Variants in MARCHF10 observed in about 807,000 individuals in gnomAD.
The protein encoded by MARCHF10 is membrane associated ring-CH-type finger 10, also known as probable E3 ubiquitin-protein ligase MARCHF10.
A neutral mutation model predicts 76.2 loss-of-function variants in MARCHF10; 64 were observed. The observed-to-expected ratio is 0.84, with a 90% CI of 0.69 to 1.03. MARCHF10 has a LOEUF of 1.03. Ranked by LOEUF, MARCHF10 falls within the 50% of genes least tolerant of loss-of-function variation. MARCHF10 has a pLI of 0.00. For missense variants in MARCHF10, 875 were observed against 958.0 expected (o/e 0.91, Z 1.14); for synonymous variants, 340 against 357.5 (o/e 0.95, Z 0.55).
Position 62,711,510 on chromosome 17 carries a change from C to G in MARCHF10, c.2215-166G>C, listed in dbSNP as rs1029703367. ...CCAGAAGACAGAGCAGGAGGAGATC[C>G]AGGGTAGAGGCCAGGGCAGCCACTC... On this transcript the variant is annotated intron_variant, in intron 8 of 10. Coordinates refer to ENST00000311269, the MANE Select transcript of MARCHF10 (RefSeq NM_152598.4). The surrounding 1 kb of genome is among the most constrained non-coding windows in gnomAD (Gnocchi z 4.4). 6.6e-6 allele frequency among the ~76,000 whole-genome samples: 1 copy of G among 152,180 alleles called. No homozygotes were observed. The highest frequency in any genetic ancestry group is 1.5e-5 in the Non-Finnish European group (1 of 68,028).
At chr17:62,794,160 C>T (rs545038483) in intron 2 of MARCHF10, among the ~76,000 whole-genome samples, 19 of 151,504 alleles carry the variant, frequency 1.3e-4, no homozygotes, top group Non-Finnish European at 2.1e-4. Flanking sequence ...ACCACCACCT[C>T]CATCACCACC....
At chr17:62,775,791 T>TA (rs1171368835) in intron 3 of MARCHF10, among the ~76,000 whole-genome samples, 1 of 151,238 alleles carries the variant, frequency 6.6e-6, no homozygotes, top group Non-Finnish European at 1.5e-5. Flanking sequence ...AAAATTTTGA[T>TA]ATCTGAATTT....
intron 9 of MARCHF10, among the ~76,000 whole-genome samples, chr17:62,709,930 A>G (rs1479975538): frequency 6.6e-6 from 1 of 152,114 alleles, no homozygotes; most frequent in South Asian, 2.1e-4. Flanking sequence ...GGTGAGATCA[A>G]TTTCAGGGTT....
intron 3 of MARCHF10, among the ~76,000 whole-genome samples, chr17:62,769,710 A>G (rs1364136647): frequency 1.3e-5 from 2 of 152,134 alleles, no homozygotes; most frequent in Non-Finnish European, 2.9e-5. Context: ...CACCACGCCC[A>G]GCCTAATTCC....
chr17:62,792,589 C>A (rs578138738), intron 2 of MARCHF10, among the ~76,000 whole-genome samples: 12 of 148,016 alleles, frequency 8.1e-5, no homozygotes, highest in African/African-American at 3.0e-4. Flanking sequence ...ACCATCACCA[C>A]CCACCACCAC....
intron 5 of MARCHF10, among the ~76,000 whole-genome samples, chr17:62,739,644 G>A (rs2091430774): frequency 6.6e-6 from 1 of 152,128 alleles, no homozygotes; most frequent in African/African-American, 2.4e-5. Flanking sequence ...GCCTCCCAAA[G>A]TGCTGGGATT....
intron 3 of MARCHF10, among the ~76,000 whole-genome samples, chr17:62,772,761 T>C (rs2092471800): frequency 6.6e-6 from 1 of 152,242 alleles, no homozygotes; most frequent in African/African-American, 2.4e-5. Flanking sequence ...ATATTTTTCA[T>C]CTACGAATGC....
chr17:62,731,955 A>G (rs372486100), intron 6 of MARCHF10, among the ~76,000 whole-genome samples: 17 of 152,226 alleles, frequency 1.1e-4, no homozygotes, highest in African/African-American at 3.9e-4. Flanking sequence ...GTATTTTGGC[A>G]AAAATACAGA....
At chr17:62,802,826 C>T (rs866441732) in intron 1 of MARCHF10, among the ~76,000 whole-genome samples, 3 of 152,126 alleles carry the variant, frequency 2.0e-5, no homozygotes, top group Non-Finnish European at 2.9e-5. Flanking sequence ...GGAACAGCCC[C>T]GGAAGGGCTG....
At chr17:62,774,664 T>G (rs1207433792) in intron 3 of MARCHF10, among the ~76,000 whole-genome samples, 1 of 151,954 alleles carries the variant, frequency 6.6e-6, no homozygotes, top group African/African-American at 2.4e-5. Flanking sequence ...TGACTCAGAG[T>G]CTTCCTTCCT....
chr17:62,766,149 T>C (rs1314713427), intron 3 of MARCHF10, among the ~76,000 whole-genome samples: 1 of 151,946 alleles, frequency 6.6e-6, no homozygotes, highest in African/African-American at 2.4e-5. Flanking sequence ...TGAGCTGTGA[T>C]TGTGCCACTG....
chr17:62,736,022 C>G lies in MARCHF10; in HGVS notation c.1846G>C (p.Gly616Arg). 6.2e-7 allele frequency: 1 copy of G among 1,614,150 alleles called. No homozygotes were observed. Among genetic ancestry groups the G allele is most frequent in the Non-Finnish European group, 8.5e-7 (1 of 1,180,034 alleles). ...VSHFPNQNDN[G>R]SRMAASGFTD... ...AAACCAGAGGCTGCCATCCTGCTCCCATTATCATTTTGATTTGGGAAATGA... is the reference window on the plus strand; with the variant it reads ...AAACCAGAGGCTGCCATCCTGCTCCGATTATCATTTTGATTTGGGAAATGA... Residue 616 changes from glycine (G) to arginine (R), a missense_variant, in exon 6 of 11, where the codon GGG becomes CGG. Gly to Arg is a moderately radical substitution (Grantham distance 125, BLOSUM62 -2). Transcript: ENST00000311269.
chr17:62,787,526 C>G, intron 3 of MARCHF10, among the ~76,000 whole-genome samples: 1 of 152,176 alleles, frequency 6.6e-6, no homozygotes, highest in East Asian at 1.9e-4. Context: ...GTGTTGAATA[C>G]AGCTTGTGGT....
At chr17:62,751,262 T>G (rs2091889503) in intron 4 of MARCHF10, among the ~76,000 whole-genome samples, 1 of 152,208 alleles carries the variant, frequency 6.6e-6, no homozygotes, top group Admixed American at 6.5e-5. Context: ...TCACCTTGAA[T>G]CGACGGCTTA....
intron 1 of MARCHF10, among the ~76,000 whole-genome samples, chr17:62,803,696 A>T (rs1211231924): frequency 6.6e-6 from 1 of 151,976 alleles, no homozygotes; most frequent in Non-Finnish European, 1.5e-5. Flanking sequence ...ATTTTTTATT[A>T]GTAGAGGCGA....
chr17:62,714,909 C>A (rs369316218), intron 8 of MARCHF10, among the ~76,000 whole-genome samples: 1 of 152,142 alleles, frequency 6.6e-6, no homozygotes, highest in African/African-American at 2.4e-5. Flanking sequence ...CCACTCCCAG[C>A]TAATTTTTGT....
rs962834661 is a variant in MARCHF10 at position 62,725,022 on chromosome 17, G to A, written c.2020C>T (p.Leu674=). 6 of 1,610,122 alleles carry A rather than the reference G, an allele frequency of 3.7e-6. No individual in the cohort carries two copies. Among genetic ancestry groups the A allele is most frequent in the Middle Eastern group, 1.7e-4 (1 of 6,056 alleles). The change falls in exon 7 of 11, where the codon CTG becomes TTG. Residue 674 remains leucine (L), a synonymous_variant. Transcript: ENST00000311269. ...CTTCCCACACAGCCGCAAGGCTCCA[G>A]GAGGGGGTTGCTTGGGGAACCCCCG... The part of the protein sequence containing the change: ...IAGGSPSNPL[L]EPCGCVGSLQ...
intron 6 of MARCHF10, among the ~76,000 whole-genome samples, chr17:62,734,164 A>G (rs2091157867): frequency 6.6e-6 from 1 of 152,154 alleles, no homozygotes. Flanking sequence ...AGCCTGGGAG[A>G]CAGAGTAAGA....
chr17:62,791,067 A>G (rs943162297), intron 2 of MARCHF10, among the ~76,000 whole-genome samples: 2 of 152,232 alleles, frequency 1.3e-5, no homozygotes, highest in African/African-American at 4.8e-5. Flanking sequence ...TTAATAATTT[A>G]AGCAAGAAAA....
Sources: allele counts gnomAD v4.1 joint callset (sites outside exome capture counted in the v4.1 genomes callset), GRCh38; gene constraint gnomAD v4.1.1; non-coding constraint Gnocchi (gnomAD v3.1); transcripts MANE v1.5; gene names NCBI Gene and HGNC (gene_info 2026-07-23, HGNC 2026-07-21).